Variants in TMEM132D observed in about 807,000 individuals in gnomAD.
TMEM132D encodes mature OL transmembrane protein.
A neutral mutation model predicts 62.3 loss-of-function variants in TMEM132D; 21 were observed. The observed-to-expected ratio is 0.34, with a 90% CI of 0.24 to 0.49. The LOEUF (loss-of-function observed/expected upper bound fraction) is 0.49, where lower values mean the gene tolerates loss of function less well. Among genes scored for constraint, TMEM132D ranks in the 20% least tolerant of loss-of-function variants. The probability of loss-of-function intolerance (pLI) is 0.99; values close to 1 mark genes in which losing one functional copy is unlikely to be tolerated. For missense variants in TMEM132D, 1,346 were observed against 1,402.8 expected (o/e 0.96, Z 0.65); for synonymous variants, 621 against 575.6 (o/e 1.08, Z -1.13).
rs1011441861 is a variant in TMEM132D, at chr12:129,533,069, T to C, written c.969-1864A>G. ...TAGGAACCCCCAGGACACATACTGATTTGGCGAGTCCACAAAGAGAGAAAG... is the reference window on the plus strand; with the variant it reads ...TAGGAACCCCCAGGACACATACTGACTTGGCGAGTCCACAAAGAGAGAAAG... On this transcript the variant is annotated intron_variant, in intron 2 of 8. Transcript: ENST00000422113. Among the ~76,000 whole-genome samples the C allele has an allele frequency of 2.0e-5, 3 of 152,170 alleles. No homozygotes were observed. In the South Asian group the frequency reaches 6.2e-4, roughly 32 times the overall value.
rs192058537 is a variant in TMEM132D, at chr12:129,572,549, A to G, written c.969-41344T>C. On this transcript the variant is annotated intron_variant, in intron 2 of 8. Transcript: ENST00000422113. ...CTGCAACCTCCGCCTCCTGGGTTCA[A>G]GCAATTCTCGTGCCTCAGCCTCCTG... Among the ~76,000 whole-genome samples the G allele has an allele frequency of 9.9e-5, 15 of 152,260 alleles. 1 individual carries two copies. In the East Asian group the frequency reaches 2.7e-3, roughly 28 times the overall value.
chr12:129,616,817 A>G (rs1261360156), intron 2 of TMEM132D, among the ~76,000 whole-genome samples: 1 of 152,196 alleles, frequency 6.6e-6, no homozygotes. Flanking sequence ...TAGCAGCGTG[A>G]GAATGGACTA....
intron 2 of TMEM132D, among the ~76,000 whole-genome samples, chr12:129,606,012 TGGAAC>T (rs1878615820): frequency 1.3e-5 from 2 of 152,076 alleles, no homozygotes; most frequent in Non-Finnish European, 1.5e-5. Context: ...ACCATTGAGG[TGGAAC>T]AAGAACTTGA....
chr12:129,609,591 C>G (rs1878716311), intron 2 of TMEM132D, among the ~76,000 whole-genome samples: 1 of 152,130 alleles, frequency 6.6e-6, no homozygotes, highest in Non-Finnish European at 1.5e-5. Flanking sequence ...TGGTGCTCTC[C>G]CAACTGCAAA....
intron 2 of TMEM132D, among the ~76,000 whole-genome samples, chr12:129,698,537 AAGG>A (rs1881264650): frequency 2.8e-5 from 1 of 36,104 alleles, no homozygotes; most frequent in African/African-American, 1.0e-4. Context: ...GGGAGAGGGG[AAGG>A]GAGGGGAGGG....
At chr12:129,084,378 G>T in intron 6 of TMEM132D, 119 bp downstream of exon 6, 1 of 975,778 alleles carries the variant, frequency 1.0e-6, no homozygotes, top group Non-Finnish European at 1.5e-6. Flanking sequence ...CAAGCTGAGC[G>T]GTGGAGGGAG....
chr12:129,201,908 T>A (rs961151748), intron 5 of TMEM132D, among the ~76,000 whole-genome samples: 2 of 152,042 alleles, frequency 1.3e-5, no homozygotes, highest in African/African-American at 4.8e-5. Flanking sequence ...TTTTTTAACT[T>A]GTTGATGTAG....
At chr12:129,145,100 T>A (rs1411772289) in intron 5 of TMEM132D, among the ~76,000 whole-genome samples, 1 of 152,222 alleles carries the variant, frequency 6.6e-6, no homozygotes, top group Admixed American at 6.5e-5. Flanking sequence ...ATTCATAGAC[T>A]AAGACAGTAT....
chr12:129,294,047 C>T (rs1881512162), intron 4 of TMEM132D, among the ~76,000 whole-genome samples: 1 of 152,132 alleles, frequency 6.6e-6, no homozygotes, highest in Admixed American at 6.5e-5. Context: ...TGGGTTGCAC[C>T]CTTGTAAAGT....
chr12:129,230,309 G>T (rs545840106), intron 4 of TMEM132D, among the ~76,000 whole-genome samples: 24 of 149,340 alleles, frequency 1.6e-4, no homozygotes, highest in Admixed American at 3.3e-4. Context: ...TGTGTTGGAG[G>T]GGGGGGGCTC....
At chr12:129,732,069 G>A (rs1053215727) in intron 1 of TMEM132D, among the ~76,000 whole-genome samples, 2 of 151,928 alleles carry the variant, frequency 1.3e-5, no homozygotes, top group Admixed American at 6.6e-5. Flanking sequence ...CTTCTAATTC[G>A]TAGACTCCTG....
intron 5 of TMEM132D, among the ~76,000 whole-genome samples, chr12:129,208,197 T>C (rs747364046): frequency 5.3e-5 from 8 of 151,806 alleles, no homozygotes; most frequent in Non-Finnish European, 8.8e-5. Flanking sequence ...GGGATTGGGG[T>C]GGTGGCAGGA....
intron 2 of TMEM132D, among the ~76,000 whole-genome samples, chr12:129,620,004 G>A (rs1359791337): frequency 6.6e-6 from 1 of 152,226 alleles, no homozygotes; most frequent in Admixed American, 6.5e-5. Context: ...CAGGTCAGCA[G>A]TGTGTCTAAA....
At chr12:129,684,448 CTG>C (rs1319334577) in intron 2 of TMEM132D, among the ~76,000 whole-genome samples, 1 of 152,244 alleles carries the variant, frequency 6.6e-6, no homozygotes, top group South Asian at 2.1e-4. Flanking sequence ...CCCTGCAGAA[CTG>C]TGAGTCAATT....
chr12:129,389,743 AGCTG>A (rs1276609975), intron 3 of TMEM132D, among the ~76,000 whole-genome samples: 2 of 152,242 alleles, frequency 1.3e-5, no homozygotes, highest in African/African-American at 4.8e-5. Flanking sequence ...GTCTAGGGCT[AGCTG>A]AGTATTTACT....
chr12:129,508,349 G>GC (rs771124876), intron 3 of TMEM132D, among the ~76,000 whole-genome samples: 2 of 152,204 alleles, frequency 1.3e-5, no homozygotes, highest in Non-Finnish European at 2.9e-5. Flanking sequence ...TGGTTCAACA[G>GC]CAACAGTGGC....
At chr12:129,358,834 G>A (rs1466898425) in intron 3 of TMEM132D, among the ~76,000 whole-genome samples, 1 of 152,142 alleles carries the variant, frequency 6.6e-6, no homozygotes, top group Admixed American at 6.5e-5. Flanking sequence ...ATGCTCTGCT[G>A]CTGGAGAGAG....
intron 4 of TMEM132D, among the ~76,000 whole-genome samples, chr12:129,228,477 T>C (rs1209477760): frequency 2.0e-5 from 3 of 152,158 alleles, no homozygotes; most frequent in African/African-American, 7.2e-5. Flanking sequence ...TTTTATTGCC[T>C]TAAAAAAAAT....
intron 4 of TMEM132D, among the ~76,000 whole-genome samples, chr12:129,236,895 A>T (rs1365669757): frequency 2.0e-5 from 3 of 152,104 alleles, no homozygotes; most frequent in Non-Finnish European, 2.9e-5. Flanking sequence ...GTTGAGGTAA[A>T]TTCCTTCTAT....
Sources: gnomAD v4.1 joint callset for allele counts (sites outside exome capture counted in the v4.1 genomes callset) on GRCh38, gnomAD v4.1.1 for gene constraint, MANE v1.5 for transcripts, NCBI Gene and HGNC (gene_info 2026-07-23, HGNC 2026-07-21) for gene names.